Variants in RAD17 observed in about 807,000 individuals in gnomAD.
The protein encoded by RAD17 is cell cycle checkpoint protein RAD17.
A neutral mutation model predicts 81.5 loss-of-function variants in RAD17; 31 were observed. The ratio of observed to expected loss-of-function variants is 0.38; its 90% CI spans 0.29 to 0.51. RAD17 has a LOEUF of 0.51. Among genes scored for constraint, RAD17 ranks in the 20% least tolerant of loss-of-function variants. The probability of loss-of-function intolerance (pLI) is 0.88; values close to 1 mark genes in which losing one functional copy is unlikely to be tolerated. For missense variants in RAD17, 681 were observed against 781.2 expected (o/e 0.87, Z 1.53); for synonymous variants, 261 against 266.2 (o/e 0.98, Z 0.19).
chr5:69,372,639 T>C (rs780594916), intron 4 of RAD17, among the ~76,000 whole-genome samples: 3 of 152,024 alleles, frequency 2.0e-5, no homozygotes, highest in Non-Finnish European at 4.4e-5. Flanking sequence ...TGAGACAGGG[T>C]CTCACTCTGT....
Sources: allele counts gnomAD v4.1 joint callset (sites outside exome capture counted in the v4.1 genomes callset), GRCh38; gene constraint gnomAD v4.1.1; transcripts MANE v1.5; gene names NCBI Gene and HGNC (gene_info 2026-07-23, HGNC 2026-07-21).